DCPS: variants seen among roughly 807,000 people sequenced by gnomAD.
DCPS encodes the protein m7GpppX diphosphatase.
Under a neutral mutation model 34.7 loss-of-function variants are expected in DCPS, and 27 were observed. The observed-to-expected ratio is 0.78, with a 90% CI of 0.57 to 1.07. The LOEUF (loss-of-function observed/expected upper bound fraction) is 1.07, where lower values mean the gene tolerates loss of function less well. Ranked by LOEUF, DCPS falls within the 50% of genes least tolerant of loss-of-function variation. The pLI, the probability that DCPS is intolerant of heterozygous loss-of-function variation, is 0.00. For missense variants in DCPS, 464 were observed against 436.9 expected, an observed-to-expected ratio of 1.06 and a Z score of -0.55; for synonymous variants, 185 against 185.7, an observed-to-expected ratio of 1.00 and a Z score of 0.03.
At position 126,327,553 on chromosome 11, in the gene DCPS, T is replaced by C. The variant is rs567353719; in HGVS notation, c.377-3852T>C. ...AACGTGTTTTCACCTGATGGTTTGA[T>C]TGTTTATTGAGCATTGACTCCTGAC... On this transcript the variant is annotated intron_variant, in intron 2 of 5. Coordinates refer to ENST00000263579, the MANE Select transcript of DCPS (RefSeq NM_014026.6). This position sits in a 1 kb window ranked among gnomAD's most constrained non-coding sequence, Gnocchi z 4.1. Among the ~76,000 whole-genome samples, 1 of 152,232 alleles carries C rather than the reference T, an allele frequency of 6.6e-6. No individual in the cohort carries two copies. The highest frequency in any genetic ancestry group is 1.5e-5 in the Non-Finnish European group (1 of 68,038).
chr11:126,318,163 C>T (rs890525214), intron 2 of DCPS, among the ~76,000 whole-genome samples: 25 of 152,196 alleles, frequency 1.6e-4, no homozygotes. Context: ...GTCTGCCTCT[C>T]CTCTGTCTCT....
chr11:126,316,645 C>CG (rs1471430586), intron 2 of DCPS, among the ~76,000 whole-genome samples: 1 of 75,928 alleles, frequency 1.3e-5, no homozygotes, highest in South Asian at 4.6e-4. Flanking sequence ...AGCTGAAGTA[C>CG]ATTTTTTTTT....
chr11:126,349,143 A>G lies in DCPS; in HGVS notation c.*3530A>G, dbSNP rs1951965594. Among the ~76,000 whole-genome samples, 1 of 152,146 alleles carries G rather than the reference A, an allele frequency of 6.6e-6. No homozygotes were observed. Among genetic ancestry groups the G allele is most frequent in the Admixed American group, 6.6e-5 (1 of 15,246 alleles). On this transcript the variant is annotated 3_prime_UTR_variant, in exon 6 of 6. Coordinates refer to ENST00000263579, the MANE Select transcript of DCPS (RefSeq NM_014026.6). The surrounding 1 kb of genome is among the most constrained non-coding windows in gnomAD (Gnocchi z 5.4). ...TGCTTTCTTCCTGCTATCTCGTAAGAGCCCAACATCCTTCTGTCCTGAGCA... is the reference window on the plus strand; with the variant it reads ...TGCTTTCTTCCTGCTATCTCGTAAGGGCCCAACATCCTTCTGTCCTGAGCA...
At chr11:126,314,916 G>A (rs1951646530) in intron 2 of DCPS, among the ~76,000 whole-genome samples, 1 of 151,988 alleles carries the variant, frequency 6.6e-6, no homozygotes, top group East Asian at 1.9e-4. Flanking sequence ...CAAAATCTCA[G>A]AAATCACCAC....
chr11:126,307,443 C>T (rs1951580135), intron 2 of DCPS, among the ~76,000 whole-genome samples: 1 of 151,716 alleles, frequency 6.6e-6, no homozygotes, highest in Non-Finnish European at 1.5e-5. Flanking sequence ...TGGAGTCTTG[C>T]TCTGTTGCCC....
intron 2 of DCPS, among the ~76,000 whole-genome samples, chr11:126,316,580 G>A (rs1951659955): frequency 6.6e-6 from 1 of 151,820 alleles, no homozygotes; most frequent in Non-Finnish European, 1.5e-5. Context: ...ACTTCTGTGA[G>A]TTAGATGTTT....
intron 2 of DCPS, among the ~76,000 whole-genome samples, chr11:126,316,957 C>CT (rs71048779): frequency 0.12 from 10,749 of 93,140 alleles, 798 homozygotes; most frequent in East Asian, 0.14. Flanking sequence ...TGCCCGGCCT[C>CT]TTTTTTTTTT....
chr11:126,316,804 G>A (rs1016758019), intron 2 of DCPS, among the ~76,000 whole-genome samples: 1 of 150,164 alleles, frequency 6.7e-6, no homozygotes, highest in Non-Finnish European at 1.5e-5. Flanking sequence ...ACAGACACCC[G>A]CCACCGCGCC....
chr11:126,337,424 T>TGAGAA lies in DCPS; in HGVS notation c.523-862_523-861insGAGAA, dbSNP rs1951840535. On this transcript the variant is annotated intron_variant, in intron 3 of 5. Coordinates refer to ENST00000263579, the MANE Select transcript of DCPS (RefSeq NM_014026.6). This position sits in a 1 kb window ranked among gnomAD's most constrained non-coding sequence, Gnocchi z 5.3. ...TTGAGGCCTGTGAGCTCAGGGGCCT[T>TGAGAA]CTCAGCCCAACCTCCTGCAGCCTCC... 2.6e-5 allele frequency: 4 copies of TGAGAA among 152,358 alleles called. No individual in the cohort carries two copies. The allele number at this position is 152,358 out of a possible 1,614,324, so 9.4% of individuals were successfully genotyped here.
Position 126,328,861 on chromosome 11 carries a change from C to T in DCPS, c.377-2544C>T, listed in dbSNP as rs1951760354. 6.6e-6 allele frequency among the ~76,000 whole-genome samples: 1 copy of T among 152,192 alleles called. No homozygotes were observed. Among genetic ancestry groups the T allele is most frequent in the Admixed American group, 6.5e-5 (1 of 15,284 alleles). On this transcript the variant is annotated intron_variant, in intron 2 of 5. Coordinates refer to ENST00000263579, the MANE Select transcript of DCPS (RefSeq NM_014026.6). This position sits in a 1 kb window ranked among gnomAD's most constrained non-coding sequence, Gnocchi z 6.6. ...TCCTGAATCTTTCCTTCTACTGACT[C>T]GTTTAATTCTCCCAACAGCCCTGGA...
At chr11:126,340,826 T>C (rs1400161739) in intron 4 of DCPS, 1 of 152,274 alleles carries the variant, frequency 6.6e-6, no homozygotes, top group East Asian at 1.9e-4. Context: ...TGCTAGAGAC[T>C]GTGCCTCCTT....
chr11:126,326,392 T>G (rs1951738580), intron 2 of DCPS, among the ~76,000 whole-genome samples: 1 of 152,202 alleles, frequency 6.6e-6, no homozygotes, highest in Non-Finnish European at 1.5e-5. Flanking sequence ...CTGTGGGTCC[T>G]TGGGGGCCAC....
chr11:126,349,711 T>C lies in DCPS; in HGVS notation c.*4098T>C, dbSNP rs1335624360. ...ATGTAGGTCTGCCAACTCTTCCTTC[T>C]CAGGAAGGACTGTTTTTATTCCAAA... On this transcript the variant is annotated 3_prime_UTR_variant, in exon 6 of 6. Transcript: ENST00000263579. The surrounding 1 kb of genome is among the most constrained non-coding windows in gnomAD (Gnocchi z 5.4). Among the ~76,000 whole-genome samples the C allele has an allele frequency of 7.9e-5, 12 of 152,240 alleles. No individual in the cohort carries two copies. Among genetic ancestry groups the C allele is most frequent in the Admixed American group, 7.9e-4 (12 of 15,282 alleles).
At position 126,345,519 on chromosome 11, in the gene DCPS, G is replaced by A; in HGVS notation, c.920G>A (p.Cys307Tyr). The change falls in exon 6 of 6, where the codon TGT becomes TAT. Residue 307 changes from cysteine (C) to tyrosine (Y), a missense_variant. Cys to Tyr is a radical substitution (Grantham distance 194). Transcript: ENST00000263579. This position sits in a 1 kb window ranked among gnomAD's most constrained non-coding sequence, Gnocchi z 7.4. ...GCTGAGGTGATCGAGAACTTGGAGT[G>A]TGACCCTAGGCACTACCAGCAGCGC... ...LLAEVIENLE[C>Y]DPRHYQQRTL... The A allele has an allele frequency of 6.2e-7, 1 of 1,614,082 alleles. No homozygotes were observed.
intron 2 of DCPS, among the ~76,000 whole-genome samples, chr11:126,308,736 C>A (rs1275342113): frequency 1.3e-5 from 2 of 151,902 alleles, no homozygotes; most frequent in East Asian, 2.0e-4. Flanking sequence ...CCACCCTCCC[C>A]ACCCTTGGCC....
intron 1 of DCPS, 30 bp from the exon 2 acceptor site, chr11:126,306,540 T>G (rs1437288702): frequency 1.3e-6 from 2 of 1,572,982 alleles, no homozygotes. Context: ...GTTCTGCCCT[T>G]GAGCCCACTG....
chr11:126,338,122 C>G lies in DCPS; in HGVS notation c.523-164C>G. ...CCTTCTGGACCCCTAAGAACAGATG[C>G]TTGGGGACAGGGCAGCCCGGATGTA... is the stretch of plus-strand genomic sequence containing the variant. On this transcript the variant is annotated intron_variant, in intron 3 of 5. Coordinates refer to ENST00000263579, the MANE Select transcript of DCPS (RefSeq NM_014026.6). This position sits in a 1 kb window ranked among gnomAD's most constrained non-coding sequence, Gnocchi z 5.4. 6.2e-6 allele frequency: 4 copies of G among 643,898 alleles called. No individual in the cohort carries two copies. Among genetic ancestry groups the G allele is most frequent in the Non-Finnish European group, 1.1e-5 (4 of 359,436 alleles). The allele number at this position is 643,898 out of a possible 1,614,324, so 39.9% of individuals were successfully genotyped here. A position where few individuals can be genotyped will look rare whatever the true frequency, so the allele number is the denominator to read the frequency against.
rs552847213 is a variant in DCPS, at chr11:126,336,417, C to T, written c.523-1869C>T. 1 of 152,378 alleles carries T rather than the reference C, an allele frequency of 6.6e-6. No individual in the cohort carries two copies. The highest frequency in any genetic ancestry group is 2.1e-4 in the South Asian group (1 of 4,826). The allele number at this position is 152,378 out of a possible 1,614,324, so 9.4% of individuals were successfully genotyped here. A position where few individuals can be genotyped will look rare whatever the true frequency, so the allele number is the denominator to read the frequency against. On this transcript the variant is annotated intron_variant, in intron 3 of 5. Transcript: ENST00000263579. The surrounding 1 kb of genome is among the most constrained non-coding windows in gnomAD (Gnocchi z 6.3). The stretch of plus-strand genomic sequence containing the variant: ...CTAGGTGCTTTCATGTGCGTGTTCT[C>T]TGAAAACCTTCACCACCCTTATGTA...
In DCPS at chr11:126,333,051, C is replaced by G. The variant is rs1287453715; in HGVS notation, c.522+1501C>G. On this transcript the variant is annotated intron_variant, in intron 3 of 5. Transcript: ENST00000263579. The surrounding 1 kb of genome is among the most constrained non-coding windows in gnomAD (Gnocchi z 5.7). The stretch of plus-strand genomic sequence containing the variant: ...AGAGATGGGGTTTTGCCATGTTGCT[C>G]AGGCTGGCCTCGAACTCCTGAGCTC... 6.6e-6 allele frequency among the ~76,000 whole-genome samples: 1 copy of G among 152,154 alleles called. No individual in the cohort carries two copies. Among genetic ancestry groups the G allele is most frequent in the Non-Finnish European group, 1.5e-5 (1 of 68,024 alleles).
Sources: gnomAD v4.1 joint callset for allele counts (sites outside exome capture counted in the v4.1 genomes callset) on GRCh38, gnomAD v4.1.1 for gene constraint, Gnocchi (gnomAD v3.1) non-coding constraint, MANE v1.5 for transcripts, NCBI Gene and HGNC (gene_info 2026-07-23, HGNC 2026-07-21) for gene names.